The following ADAMTSL3 variants were observed in gnomAD, a reference collection of about 807,000 sequenced individuals.
ADAMTSL3 encodes ADAMTS like 3, also known as ADAMTS-like protein 3.
A neutral mutation model predicts 201.7 loss-of-function variants in ADAMTSL3; 128 were observed. That is an observed-to-expected ratio of 0.63 (90% CI 0.55 to 0.73). The LOEUF is 0.73. Ranked by LOEUF, ADAMTSL3 falls within the 30% of genes least tolerant of loss-of-function variation. ADAMTSL3 has a pLI of 0.00. For missense variants in ADAMTSL3, 1,990 were observed against 2,119.6 expected (o/e 0.94, Z 1.20); for synonymous variants, 738 against 748.4 (o/e 0.99, Z 0.23).
At chr15:84,017,249 C>T (rs888144995) in intron 25 of ADAMTSL3, among the ~76,000 whole-genome samples, 31 of 152,160 alleles carry the variant, frequency 2.0e-4, no homozygotes, top group African/African-American at 7.2e-4. Flanking sequence ...TCCCAAGTAG[C>T]TGGGACTACA....
intron 4 of ADAMTSL3, among the ~76,000 whole-genome samples, 159 bp from the exon 5 acceptor site, chr15:83,804,491 T>C (rs1235587662): frequency 6.6e-6 from 1 of 152,110 alleles, no homozygotes; most frequent in Non-Finnish European, 1.5e-5. Context: ...CCTTGAAAAT[T>C]AGTTTCTTAG....
At chr15:83,829,528 C>G (rs1018912927) in intron 6 of ADAMTSL3, among the ~76,000 whole-genome samples, 1 of 152,184 alleles carries the variant, frequency 6.6e-6, no homozygotes, top group African/African-American at 2.4e-5. Flanking sequence ...CTATCTCCTT[C>G]AGTTCTGCTC....
intron 6 of ADAMTSL3, among the ~76,000 whole-genome samples, chr15:83,828,556 A>G (rs974701380): frequency 6.6e-6 from 1 of 152,114 alleles, no homozygotes; most frequent in Non-Finnish European, 1.5e-5. Flanking sequence ...AGAACTTCCA[A>G]CACTATGTTG....
chr15:83,878,613 CAA>C (rs34434953), intron 9 of ADAMTSL3, among the ~76,000 whole-genome samples: 20,940 of 147,202 alleles, frequency 0.14, 1,884 homozygotes, highest in Middle Eastern at 0.34. Context: ...GACGCCATTT[CAA>C]AAAAAAAAAA....
chr15:83,740,073 A>T (rs2062430359), intron 3 of ADAMTSL3: 1 of 315,306 alleles, frequency 3.2e-6, no homozygotes, highest in Admixed American at 3.2e-5. Context: ...CAGGTAAGGA[A>T]TACCTATGCC....
intron 15 of ADAMTSL3, among the ~76,000 whole-genome samples, chr15:83,900,430 A>G (rs2065701656): frequency 6.6e-6 from 1 of 152,236 alleles, no homozygotes; most frequent in African/African-American, 2.4e-5. Context: ...AAAAGAGAGC[A>G]AGAAATCAAA....
At chr15:83,889,594 G>A (rs182335088) in intron 10 of ADAMTSL3, among the ~76,000 whole-genome samples, 4 of 152,260 alleles carry the variant, frequency 2.6e-5, no homozygotes, top group Non-Finnish European at 4.4e-5. Context: ...GGTGTGTTGC[G>A]GGGATTGGAA....
At chr15:83,793,664 A>G (rs1272334008) in intron 4 of ADAMTSL3, among the ~76,000 whole-genome samples, 1 of 152,116 alleles carries the variant, frequency 6.6e-6, no homozygotes, top group East Asian at 1.9e-4. Flanking sequence ...TTTGGTAGAG[A>G]TGGGGTTTCA....
chr15:83,782,912 GTATA>G (rs35212776), intron 4 of ADAMTSL3, among the ~76,000 whole-genome samples: 25 of 145,228 alleles, frequency 1.7e-4, no homozygotes, highest in African/African-American at 3.8e-4. Context: ...AATGGATAGC[GTATA>G]TATATATATA....
chr15:83,710,678 G>A, intron 3 of ADAMTSL3, among the ~76,000 whole-genome samples: 1 of 152,124 alleles, frequency 6.6e-6, no homozygotes. Flanking sequence ...GTCATTGGCT[G>A]CCTATTTGTA....
chr15:84,026,640 A>G (rs2068313628), intron 27 of ADAMTSL3, among the ~76,000 whole-genome samples: 1 of 150,374 alleles, frequency 6.7e-6, no homozygotes, highest in South Asian at 2.1e-4. Context: ...AGATAAACCC[A>G]TATATATATA....
rs1163535982 is a variant in ADAMTSL3 at position 84,037,029 on chromosome 15, T to C, written c.4969+42T>C. 4.4e-6 allele frequency: 7 copies of C among 1,590,790 alleles called. No individual in the cohort carries two copies. In the South Asian group the frequency reaches 6.7e-5, roughly 15 times the overall value. On this transcript the variant is annotated intron_variant, in intron 29 of 29. Transcript: ENST00000286744. ...GGTATCTCCACTGCCCCAGAGGCCT[T>C]GATGGCATCAGATCCTGATGCTACC...
intron 9 of ADAMTSL3, among the ~76,000 whole-genome samples, chr15:83,883,550 G>A (rs1489568128): frequency 6.7e-6 from 1 of 148,526 alleles, no homozygotes; most frequent in Non-Finnish European, 1.5e-5. Flanking sequence ...ATTTTTTAGA[G>A]ATTTTTCTTT....
intron 4 of ADAMTSL3, among the ~76,000 whole-genome samples, chr15:83,777,152 G>T (rs534340508): frequency 6.6e-6 from 1 of 152,288 alleles, no homozygotes; most frequent in South Asian, 2.1e-4. Flanking sequence ...CCTCCAGCAT[G>T]ACTGAACACA....
chr15:83,678,938 TCTC>T (rs971077113), intron 2 of ADAMTSL3, among the ~76,000 whole-genome samples: 3 of 149,324 alleles, frequency 2.0e-5, no homozygotes, highest in Admixed American at 6.7e-5. Flanking sequence ...ATATATTTCT[TCTC>T]CTTTTTGTTC....
intron 4 of ADAMTSL3, among the ~76,000 whole-genome samples, chr15:83,799,651 C>T (rs541815168): frequency 6.6e-6 from 1 of 151,978 alleles, no homozygotes; most frequent in South Asian, 2.1e-4. Flanking sequence ...TTTAATATAT[C>T]CTCATGTGGA....
intron 7 of ADAMTSL3, among the ~76,000 whole-genome samples, chr15:83,852,368 C>G (rs1399466117): frequency 2.6e-5 from 4 of 152,140 alleles, no homozygotes; most frequent in African/African-American, 9.7e-5. Flanking sequence ...CCCGCCTCAG[C>G]CTCTTAAAGT....
intron 2 of ADAMTSL3, among the ~76,000 whole-genome samples, chr15:83,674,848 G>A (rs2061381650): frequency 6.8e-6 from 1 of 147,504 alleles, no homozygotes; most frequent in Non-Finnish European, 1.5e-5. Context: ...TTTGGGGGAG[G>A]ATAAACATTT....
At chr15:83,767,417 T>C (rs774678890) in intron 3 of ADAMTSL3, among the ~76,000 whole-genome samples, 8 of 152,158 alleles carry the variant, frequency 5.3e-5, no homozygotes, top group Admixed American at 1.3e-4. Context: ...ACTTACCATA[T>C]AAAATAATAA....
Sources: gnomAD v4.1 joint callset for allele counts (sites outside exome capture counted in the v4.1 genomes callset) on GRCh38, gnomAD v4.1.1 for gene constraint, MANE v1.5 for transcripts, NCBI Gene and HGNC (gene_info 2026-07-23, HGNC 2026-07-21) for gene names.